The following P2RY12 variants were observed in gnomAD, a reference collection of about 807,000 sequenced individuals.
P2RY12 encodes the protein purinergic receptor P2Y12.
P2RY12 carries 3 observed loss-of-function variants against 4.5 expected under a neutral mutation model. That is an observed-to-expected ratio of 0.67 (90% CI 0.31 to 1.74). P2RY12 has a LOEUF of 1.74. Ranked by LOEUF, P2RY12 falls within the 40% of genes most tolerant of loss-of-function variation. The pLI, the probability that P2RY12 is intolerant of heterozygous loss-of-function variation, is 0.09. For synonymous variants in P2RY12, 148 were observed against 154.1 expected (o/e 0.96, Z 0.29); for missense variants, 356 against 407.8 (o/e 0.87, Z 1.09).
At chr3:151,357,792 A>G (rs1348384213) in intron 1 of P2RY12, among the ~76,000 whole-genome samples, 1 of 152,306 alleles carries the variant, frequency 6.6e-6, no homozygotes, top group South Asian at 2.1e-4. Context: ...TTGGTTCTTC[A>G]ATTGCATTTC....
At chr3:151,339,109 T>A (rs1477120215) in intron 2 of P2RY12, among the ~76,000 whole-genome samples, 1 of 152,172 alleles carries the variant, frequency 6.6e-6, no homozygotes, top group African/African-American at 2.4e-5. Context: ...ATTTTTTTAT[T>A]TGTTGAATGT....
chr3:151,338,045 G>A lies in P2RY12; in HGVS notation c.801C>T (p.Val267=). 6.2e-7 allele frequency: 1 copy of A among 1,614,112 alleles called. No homozygotes were observed. Among genetic ancestry groups the A allele is most frequent in the Non-Finnish European group, 8.5e-7 (1 of 1,179,992 alleles). ...IPYTLSQTRD[V]FDCTAENTLF... ...GAGTATTTTCAGCAGTGCAGTCAAAGACATCCCGGGTTTGGCTCAGGGTGT... is the reference window on the plus strand; with the variant it reads ...GAGTATTTTCAGCAGTGCAGTCAAAAACATCCCGGGTTTGGCTCAGGGTGT... The change falls in exon 3 of 3, where the codon GTC becomes GTT. Residue 267 remains valine, a synonymous_variant. Coordinates refer to ENST00000302632, the MANE Select transcript of P2RY12 (RefSeq NM_022788.5).
intron 1 of P2RY12, chr3:151,382,846 G>A (rs925796569): frequency 2.5e-5 from 21 of 847,378 alleles, no homozygotes; most frequent in Non-Finnish European, 3.5e-5. Context: ...GCATTACAAG[G>A]TGAGGCCTTC....
chr3:151,365,109 A>G (rs777455343), intron 1 of P2RY12: 4 of 1,614,082 alleles, frequency 2.5e-6, no homozygotes, highest in Admixed American at 1.7e-5. Context: ...CAACTACTCA[A>G]TGCTGGGCAA....
chr3:151,383,987 T>C lies in P2RY12; in HGVS notation c.-180+705A>G, dbSNP rs2108159339. 3.4e-6 allele frequency: 5 copies of C among 1,489,696 alleles called. No individual in the cohort carries two copies. In the East Asian group the frequency reaches 7.1e-5, roughly 21 times the overall value. The allele number at this position is 1,489,696 out of a possible 1,614,324, so 92.3% of individuals were successfully genotyped here. ...TTCTGCCACATCTTATTTACTTGGA[T>C]GCTATTAAAAATTCTGTGCCTTGAA... On this transcript the variant is annotated intron_variant, in intron 1 of 2. Transcript: ENST00000302632.
intron 1 of P2RY12, chr3:151,365,708 T>C (rs769399355): frequency 1.4e-6 from 1 of 728,518 alleles, no homozygotes. Flanking sequence ...TACTAAGTTA[T>C]TTGACAAATG....
intron 1 of P2RY12, among the ~76,000 whole-genome samples, chr3:151,343,826 T>A (rs915039182): frequency 4.6e-5 from 7 of 152,182 alleles, no homozygotes; most frequent in Non-Finnish European, 8.8e-5. Flanking sequence ...CAAATGGGAT[T>A]ACTCTGAAAC....
chr3:151,357,150 A>G, intron 1 of P2RY12: 1 of 1,378,116 alleles, frequency 7.3e-7, no homozygotes, highest in Non-Finnish European at 9.9e-7. Context: ...GTTTATAAAA[A>G]TAAATGTTTT....
intron 1 of P2RY12, among the ~76,000 whole-genome samples, chr3:151,345,506 TTTTTC>T (rs1234872485): frequency 3.5e-5 from 5 of 142,500 alleles, no homozygotes; most frequent in African/African-American, 4.9e-5. Context: ...TTTTCTTTCT[TTTTTC>T]TTTTTCTTTT....
At chr3:151,354,836 C>T (rs1753713964) in intron 1 of P2RY12, among the ~76,000 whole-genome samples, 1 of 152,094 alleles carries the variant, frequency 6.6e-6, no homozygotes, top group African/African-American at 2.4e-5. Context: ...TATATGATTT[C>T]CTTTATATAT....
At chr3:151,345,586 C>T (rs912929266) in intron 1 of P2RY12, among the ~76,000 whole-genome samples, 12 of 147,332 alleles carry the variant, frequency 8.1e-5, no homozygotes, top group African/African-American at 1.5e-4. Flanking sequence ...GGCACCATCT[C>T]GGCTCACTGC....
chr3:151,353,891 CA>C (rs1316182187), intron 1 of P2RY12, among the ~76,000 whole-genome samples: 1 of 151,908 alleles, frequency 6.6e-6, no homozygotes, highest in Non-Finnish European at 1.5e-5. Context: ...CCTGTAATCC[CA>C]GCACTTTGGG....
chr3:151,365,254 C>T (rs765334737), intron 1 of P2RY12: 1 of 1,468,972 alleles, frequency 6.8e-7, no homozygotes, highest in Non-Finnish European at 9.5e-7. Context: ...GAGTTGTTGC[C>T]TTGGTGCTTC....
rs143004957 is a variant in P2RY12, at chr3:151,378,897, T to G, written c.-180+5795A>C. On this transcript the variant is annotated intron_variant, in intron 1 of 2. Transcript: ENST00000302632. ...CAGAATGGCAACTCCTCTCTAAAAC[T>G]CATTATGTACATGAGCTTTTAAAAT... Among the ~76,000 whole-genome samples the G allele has an allele frequency of 6.9e-3, 1,051 of 152,352 alleles. 11 individuals are homozygous for G. Among genetic ancestry groups the G allele is most frequent in the African/African-American group, 0.025 (1,019 of 41,582 alleles).
chr3:151,350,291 A>C, intron 1 of P2RY12: 22 of 1,344,528 alleles, frequency 1.6e-5, no homozygotes, highest in Non-Finnish European at 2.0e-5. Flanking sequence ...GTTCTATGTC[A>C]CTGTCAACAG....
chr3:151,363,375 A>T (rs569614841), intron 1 of P2RY12, among the ~76,000 whole-genome samples: 13 of 152,306 alleles, frequency 8.5e-5, no homozygotes, highest in Admixed American at 5.9e-4. Flanking sequence ...ACCACCATTC[A>T]TAAAGTTGTG....
intron 1 of P2RY12, among the ~76,000 whole-genome samples, chr3:151,355,521 T>G (rs1753800461): frequency 6.6e-6 from 1 of 152,202 alleles, no homozygotes; most frequent in Non-Finnish European, 1.5e-5. Flanking sequence ...GGTCCTATAT[T>G]GCAATTGATG....
chr3:151,357,730 G>T (rs2150062263), intron 1 of P2RY12, among the ~76,000 whole-genome samples: 1 of 152,296 alleles, frequency 6.6e-6, no homozygotes, highest in East Asian at 1.9e-4. Context: ...TTCAGTTTAT[G>T]TTTGCAGACT....
At chr3:151,345,975 G>A (rs1304879153) in intron 1 of P2RY12, among the ~76,000 whole-genome samples, 1 of 152,140 alleles carries the variant, frequency 6.6e-6, no homozygotes, top group Non-Finnish European at 1.5e-5. Flanking sequence ...AAGGAATACT[G>A]TCTTTACACC....
Sources: gnomAD v4.1 joint callset for allele counts (sites outside exome capture counted in the v4.1 genomes callset) on GRCh38, gnomAD v4.1.1 for gene constraint, MANE v1.5 for transcripts, NCBI Gene and HGNC (gene_info 2026-07-23, HGNC 2026-07-21) for gene names.